ENTREP2: variants seen among roughly 807,000 people sequenced by gnomAD.
ENTREP2 encodes the protein endosomal transmembrane epsin interactor 2.
At chr15:29,323,726 A>G in the ENTREP2 span, among the ~76,000 whole-genome samples, 2 of 152,054 alleles carry the variant, frequency 1.3e-5, no homozygotes, top group African/African-American at 4.8e-5. Context: ...TTAAAATTAA[A>G]TTAGAGAATA....
At chr15:29,204,528 G>A in the ENTREP2 span, among the ~76,000 whole-genome samples, 1 of 152,120 alleles carries the variant, frequency 6.6e-6, no homozygotes, top group Admixed American at 6.6e-5. Flanking sequence ...TTTCGAGGAG[G>A]AAGGAGGCGC....
chr15:29,197,577 C>T, the ENTREP2 span, among the ~76,000 whole-genome samples: 57 of 152,048 alleles, frequency 3.7e-4, 1 homozygote, highest in Non-Finnish European at 2.9e-4. Flanking sequence ...ACCAGTCTGA[C>T]CAACACAGTG....
the ENTREP2 span, among the ~76,000 whole-genome samples, chr15:29,227,627 C>T: frequency 3.2e-4 from 49 of 152,082 alleles, no homozygotes; most frequent in Non-Finnish European, 4.1e-4. Flanking sequence ...AAATCTGCTT[C>T]CCCCACACCC....
the ENTREP2 span, among the ~76,000 whole-genome samples, chr15:29,192,290 G>T: frequency 6.6e-6 from 1 of 152,110 alleles, no homozygotes; most frequent in Non-Finnish European, 1.5e-5. Flanking sequence ...ATGCAAAAGA[G>T]AATAACATAT....
the ENTREP2 span, among the ~76,000 whole-genome samples, chr15:29,303,866 G>A: frequency 4.6e-5 from 7 of 151,934 alleles, no homozygotes; most frequent in Non-Finnish European, 1.5e-5. Flanking sequence ...TGGTTTATAT[G>A]TACCACATTT....
chr15:29,491,567 A>G, the ENTREP2 span, among the ~76,000 whole-genome samples: 36 of 152,252 alleles, frequency 2.4e-4, no homozygotes, highest in Non-Finnish European at 4.3e-4. Context: ...TTTAAATCTA[A>G]AGAGTCCTTG....
chr15:29,614,514 T>C, the ENTREP2 span, among the ~76,000 whole-genome samples: 11 of 152,294 alleles, frequency 7.2e-5, no homozygotes, highest in African/African-American at 2.6e-4. Flanking sequence ...CTGCTGAATG[T>C]CTCCTCTCTC....
At chr15:29,117,848 TC>T in the ENTREP2 span, 1 of 152,052 alleles carries the variant, frequency 6.6e-6, no homozygotes, top group South Asian at 2.1e-4. Context: ...CTGGGCACCC[TC>T]CCACCCGGCT....
chr15:29,178,420 G>A, the ENTREP2 span, among the ~76,000 whole-genome samples: 5 of 151,982 alleles, frequency 3.3e-5, no homozygotes, highest in Non-Finnish European at 7.4e-5. Flanking sequence ...GCATCTCTCC[G>A]TTTTCACAAT....
At chr15:29,234,513 C>G in the ENTREP2 span, 1 of 1,405,996 alleles carries the variant, frequency 7.1e-7, no homozygotes, top group Non-Finnish European at 1.0e-6. Flanking sequence ...GAACAACCAA[C>G]GGCAAGGTAA....
At chr15:29,436,600 C>G in the ENTREP2 span, among the ~76,000 whole-genome samples, 1 of 152,148 alleles carries the variant, frequency 6.6e-6, no homozygotes, top group Non-Finnish European at 1.5e-5. Context: ...TCATAACAGC[C>G]TACAAAAATC....
the ENTREP2 span, among the ~76,000 whole-genome samples, chr15:29,342,250 G>A: frequency 6.6e-6 from 1 of 152,190 alleles, no homozygotes; most frequent in East Asian, 1.9e-4. Context: ...GTATGTGTAT[G>A]GGCAGGGAGG....
the ENTREP2 span, among the ~76,000 whole-genome samples, chr15:29,509,265 T>C: frequency 6.6e-6 from 1 of 152,058 alleles, no homozygotes; most frequent in Non-Finnish European, 1.5e-5. Context: ...CACAAACAAA[T>C]AGAAAAACAT....
At chr15:29,518,640 G>C in the ENTREP2 span, among the ~76,000 whole-genome samples, 1 of 152,116 alleles carries the variant, frequency 6.6e-6, no homozygotes, top group African/African-American at 2.4e-5. Flanking sequence ...AGGGCAGGAG[G>C]AAGGCCACAG....
the ENTREP2 span, among the ~76,000 whole-genome samples, chr15:29,463,151 C>A: frequency 2.5e-3 from 380 of 152,202 alleles, 1 homozygote; most frequent in African/African-American, 8.8e-3. Context: ...CCCTGCAGAA[C>A]TTAGGAGCCT....
At chr15:29,136,019 G>A in the ENTREP2 span, among the ~76,000 whole-genome samples, 14 of 152,186 alleles carry the variant, frequency 9.2e-5, no homozygotes, top group East Asian at 3.9e-4. Context: ...AAGCTCAGAC[G>A]CACCTGGGCT....
the ENTREP2 span, among the ~76,000 whole-genome samples, chr15:29,557,505 C>T: frequency 1.3e-5 from 2 of 152,162 alleles, no homozygotes; most frequent in African/African-American, 4.8e-5. Context: ...GCTGCATCTA[C>T]ATAATTCTGA....
chr15:29,613,480 G>T, the ENTREP2 span: 1 of 409,294 alleles, frequency 2.4e-6, no homozygotes, highest in Non-Finnish European at 4.8e-6. Context: ...CTCCTCCACA[G>T]CAAGATCCGA....
chr15:29,654,226 T>A, the ENTREP2 span, among the ~76,000 whole-genome samples: 1 of 152,348 alleles, frequency 6.6e-6, no homozygotes, highest in Non-Finnish European at 1.5e-5. Flanking sequence ...CTAAATTCTG[T>A]GACTAACGGT....
Sources: gnomAD v4.1 joint callset for allele counts (sites outside exome capture counted in the v4.1 genomes callset) on GRCh38, gnomAD v4.1.1 for gene constraint, MANE v1.5 for transcripts, NCBI Gene and HGNC (gene_info 2026-07-23, HGNC 2026-07-21) for gene names.